Variants in ZNF385D observed in about 807,000 individuals in gnomAD.
ZNF385D encodes zinc finger protein 385D.
ZNF385D carries 15 observed loss-of-function variants against 35.8 expected under a neutral mutation model. The observed-to-expected ratio is 0.42, with a 90% CI of 0.28 to 0.64. The LOEUF is 0.64. Among genes scored for constraint, ZNF385D ranks in the 30% least tolerant of loss-of-function variants. The pLI, the probability that ZNF385D is intolerant of heterozygous loss-of-function variation, is 0.23. For missense variants in ZNF385D, 474 were observed against 494.6 expected, an observed-to-expected ratio of 0.96 and a Z score of 0.39; for synonymous variants, 212 against 186.8, an observed-to-expected ratio of 1.13 and a Z score of -1.10.
At chr3:21,812,228 C>G (rs1448351336) in intron 3 of ZNF385D, among the ~76,000 whole-genome samples, 1 of 152,162 alleles carries the variant, frequency 6.6e-6, no homozygotes, top group Non-Finnish European at 1.5e-5. Context: ...ACTTAAGGAT[C>G]CGGTTCCAAG....
chr3:21,570,470 G>A (rs1392962216), intron 2 of ZNF385D, among the ~76,000 whole-genome samples: 1 of 152,170 alleles, frequency 6.6e-6, no homozygotes, highest in Non-Finnish European at 1.5e-5. Flanking sequence ...TCTTCTGTCT[G>A]TGTTCCTATT....
chr3:21,990,104 A>T (rs907939410), intron 3 of ZNF385D, among the ~76,000 whole-genome samples: 1 of 152,182 alleles, frequency 6.6e-6, no homozygotes, highest in Non-Finnish European at 1.5e-5. Context: ...GCCTTTGTCA[A>T]ATTATCTTTT....
intron 3 of ZNF385D, among the ~76,000 whole-genome samples, chr3:21,810,811 T>G (rs1256226471): frequency 2.0e-5 from 3 of 152,144 alleles, no homozygotes; most frequent in African/African-American, 2.4e-5. Context: ...TGAGTTAATT[T>G]AAACATAGGA....
intron 3 of ZNF385D, among the ~76,000 whole-genome samples, chr3:21,932,030 G>A (rs551087458): frequency 3.7e-4 from 56 of 151,868 alleles, no homozygotes; most frequent in African/African-American, 9.4e-4. Flanking sequence ...AGCCGGGAGC[G>A]GTGGCGGGCA....
chr3:22,141,452 T>A (rs544424203), intron 3 of ZNF385D, among the ~76,000 whole-genome samples: 4 of 152,320 alleles, frequency 2.6e-5, no homozygotes, highest in South Asian at 2.1e-4. Flanking sequence ...TTTGTTTACA[T>A]CTTGAGAAAG....
intron 3 of ZNF385D, among the ~76,000 whole-genome samples, chr3:21,919,568 C>T (rs954344006): frequency 6.6e-6 from 1 of 152,166 alleles, no homozygotes; most frequent in Non-Finnish European, 1.5e-5. Context: ...CTTGCCACAG[C>T]CACATTTCCA....
intron 1 of ZNF385D, among the ~76,000 whole-genome samples, chr3:21,734,554 G>A (rs960424039): frequency 6.6e-6 from 1 of 151,932 alleles, no homozygotes; most frequent in Admixed American, 6.6e-5. Flanking sequence ...AAAAAACTAT[G>A]CATCAAGTAA....
intron 3 of ZNF385D, among the ~76,000 whole-genome samples, chr3:22,099,985 A>G (rs1701842791): frequency 6.6e-6 from 1 of 152,122 alleles, no homozygotes; most frequent in African/African-American, 2.4e-5. Flanking sequence ...CAAATTTACA[A>G]GAAAAAAACA....
At chr3:21,622,795 C>T (rs537246883) in intron 2 of ZNF385D, among the ~76,000 whole-genome samples, 1 of 151,992 alleles carries the variant, frequency 6.6e-6, no homozygotes, top group Admixed American at 6.6e-5. Flanking sequence ...CTTCTATAAC[C>T]TAGGCTTATT....
chr3:22,315,031 A>T (rs1050935054), intron 2 of ZNF385D, among the ~76,000 whole-genome samples: 1 of 152,182 alleles, frequency 6.6e-6, no homozygotes, highest in Admixed American at 6.6e-5. Flanking sequence ...CTCATGATGA[A>T]GGCTGAATTG....
At chr3:21,982,568 C>T (rs182880389) in intron 3 of ZNF385D, among the ~76,000 whole-genome samples, 1 of 152,056 alleles carries the variant, frequency 6.6e-6, no homozygotes, top group Non-Finnish European at 1.5e-5. Context: ...ATTTGGAAGC[C>T]CTTTATTCCT....
intron 4 of ZNF385D, among the ~76,000 whole-genome samples, chr3:21,468,635 C>T (rs372913363): frequency 2.6e-5 from 4 of 151,618 alleles, no homozygotes; most frequent in Non-Finnish European, 5.9e-5. Flanking sequence ...CAAAAGAATA[C>T]GTAGTATGGG....
At chr3:21,552,730 C>G (rs1338927792) in intron 3 of ZNF385D, among the ~76,000 whole-genome samples, 1 of 152,144 alleles carries the variant, frequency 6.6e-6, no homozygotes, top group Non-Finnish European at 1.5e-5. Context: ...GTCAAACATT[C>G]AAATAAAATG....
chr3:21,466,867 C>T (rs1422978184), intron 4 of ZNF385D, among the ~76,000 whole-genome samples: 1 of 152,074 alleles, frequency 6.6e-6, no homozygotes, highest in Admixed American at 6.6e-5. Context: ...TATTACTGCC[C>T]CACCATTTGA....
At chr3:21,833,226 G>T (rs1695113617) in intron 3 of ZNF385D, among the ~76,000 whole-genome samples, 1 of 152,094 alleles carries the variant, frequency 6.6e-6, no homozygotes, top group South Asian at 2.1e-4. Flanking sequence ...TATACTTAGT[G>T]GGCTGAAAGT....
chr3:22,187,497 C>G (rs952100942), intron 2 of ZNF385D, among the ~76,000 whole-genome samples: 9 of 152,096 alleles, frequency 5.9e-5, no homozygotes, highest in African/African-American at 2.2e-4. Flanking sequence ...CAGATACACA[C>G]ACACACAAAG....
At chr3:21,779,918 A>C (rs2071426553) in intron 3 of ZNF385D, among the ~76,000 whole-genome samples, 1 of 151,952 alleles carries the variant, frequency 6.6e-6, no homozygotes, top group Admixed American at 6.6e-5. Flanking sequence ...ATTTTCATTA[A>C]AAAAATCAAT....
intron 3 of ZNF385D, among the ~76,000 whole-genome samples, chr3:21,907,274 T>C (rs981314318): frequency 6.6e-6 from 1 of 152,182 alleles, no homozygotes; most frequent in African/African-American, 2.4e-5. Context: ...ATTATAACTA[T>C]CATCCAGAGA....
intron 3 of ZNF385D, among the ~76,000 whole-genome samples, chr3:21,955,807 G>A (rs1479969): frequency 0.68 from 103,714 of 151,928 alleles, 36,542 homozygotes; most frequent in Non-Finnish European, 0.77. Flanking sequence ...CACATGCTAA[G>A]TACTACTGGT....
Sources: gnomAD v4.1 joint callset for allele counts (sites outside exome capture counted in the v4.1 genomes callset) on GRCh38, gnomAD v4.1.1 for gene constraint, MANE v1.5 for transcripts, NCBI Gene and HGNC (gene_info 2026-07-23, HGNC 2026-07-21) for gene names.